The following ARMCX4 variants were observed in gnomAD, a reference collection of about 807,000 sequenced individuals.
ARMCX4 encodes the protein armadillo repeat containing X-linked 4, also known as armadillo repeat-containing X-linked protein 4.
Under a neutral mutation model 34.7 loss-of-function variants are expected in ARMCX4, and 3 were observed. That is an observed-to-expected ratio of 0.09 (90% CI 0.04 to 0.22). The LOEUF is 0.22. Ranked by LOEUF, ARMCX4 falls within the 10% of genes least tolerant of loss-of-function variation. The pLI, the probability that ARMCX4 is intolerant of heterozygous loss-of-function variation, is 1.00. For missense variants in ARMCX4, 1,448 were observed against 1,720.8 expected, an observed-to-expected ratio of 0.84 and a Z score of 2.81; for synonymous variants, 513 against 632.8, an observed-to-expected ratio of 0.81 and a Z score of 2.84.
intron 11 of ARMCX4, among the ~76,000 whole-genome samples, chrX:101,530,002 A>T (rs1935086663): frequency 8.9e-6 from 1 of 112,234 alleles, no homozygotes; most frequent in Non-Finnish European, 1.9e-5. Flanking sequence ...CAAAAGGATT[A>T]TAAATCATGC....
intron 11 of ARMCX4, chrX:101,516,880 T>G (rs1198299892): frequency 9.0e-6 from 1 of 111,396 alleles, no homozygotes; most frequent in Non-Finnish European, 1.9e-5. Flanking sequence ...GCTCCTCTCT[T>G]CCTGATTTGC....
chrX:101,500,132 A>G (rs1412397102), downstream of ARMCX4, among the ~76,000 whole-genome samples: 1 of 111,548 alleles, frequency 9.0e-6, no homozygotes, highest in Non-Finnish European at 1.9e-5. Context: ...CCAGAGACCT[A>G]AAGTGTCTTA....
At chrX:101,450,668 A>G (rs1305122260), downstream of ARMCX4, among the ~76,000 whole-genome samples, 1 of 111,895 alleles carries the variant, frequency 8.9e-6, no homozygotes, top group Non-Finnish European at 1.9e-5. Context: ...AGAGTTGGCA[A>G]TGTGCTGGGT....
intron 4 of ARMCX4, among the ~76,000 whole-genome samples, chrX:101,465,195 A>G (rs1556001780): frequency 1.8e-5 from 2 of 111,805 alleles, no homozygotes; most frequent in Non-Finnish European, 1.9e-5. Flanking sequence ...CAAATATACC[A>G]TCTATATAAT....
intron 8 of ARMCX4, among the ~76,000 whole-genome samples, chrX:101,507,922 A>G: frequency 8.9e-6 from 1 of 112,599 alleles, no homozygotes; most frequent in South Asian, 3.6e-4. Context: ...GATTATAATG[A>G]AGCTGAAAAA....
At chrX:101,439,360 C>T (rs1773109955) in intron 2 of ARMCX4, among the ~76,000 whole-genome samples, 1 of 111,754 alleles carries the variant, frequency 8.9e-6, no homozygotes, top group South Asian at 3.7e-4. Context: ...TGATGGGCTT[C>T]CCTTTGTGGG....
chrX:101,514,515 T>C lies in ARMCX4; in HGVS notation c.*1780+3460T>C, dbSNP rs1259233346. ...TTTAATACCAGTAATTCCATGACCA[T>C]GCACCTATTGTTGCACTTCACTTGC... is the stretch of plus-strand genomic sequence containing the variant. On this transcript the variant is annotated intron_variant and NMD_transcript_variant, in intron 11 of 12. Transcript: ENST00000354842. Among the ~76,000 whole-genome samples, 9 of 112,179 alleles carry C rather than the reference T, an allele frequency of 8.0e-5. No individual in the cohort carries two copies. In the Admixed American group the frequency reaches 8.5e-4, roughly 11 times the overall value.
At chrX:101,502,032 A>G (rs1189294272) in intron 7 of ARMCX4, among the ~76,000 whole-genome samples, 1 of 112,390 alleles carries the variant, frequency 8.9e-6, no homozygotes, top group East Asian at 2.8e-4. Context: ...CAACTTAGCT[A>G]GGGTTGTGGA....
intron 2 of ARMCX4, among the ~76,000 whole-genome samples, chrX:101,440,668 C>T (rs1931221528): frequency 9.0e-6 from 1 of 111,638 alleles, no homozygotes; most frequent in South Asian, 3.8e-4. Context: ...CAAGCCTCAG[C>T]AATGGCAGGC....
At chrX:101,509,274 C>A (rs962768022) in intron 8 of ARMCX4, 7 of 111,525 alleles carry the variant, frequency 6.3e-5, no homozygotes, top group African/African-American at 2.0e-4. Flanking sequence ...ATCTTGGTGA[C>A]TTTCCTTGCT....
chrX:101,425,957 A>T (rs1462888460), intron 2 of ARMCX4, among the ~76,000 whole-genome samples: 1 of 110,233 alleles, frequency 9.1e-6, no homozygotes, highest in African/African-American at 3.3e-5. Flanking sequence ...AGTAGCTGGG[A>T]TTAGAGGTGC....
downstream of ARMCX4, chrX:101,498,195 A>G (rs968177842): frequency 1.8e-5 from 6 of 328,239 alleles, no homozygotes; most frequent in Admixed American, 9.4e-5. Context: ...GCTGAACTCT[A>G]TCTCTGGGCC....
At chrX:101,518,672 A>T (rs1251359427) in intron 11 of ARMCX4, among the ~76,000 whole-genome samples, 1 of 111,505 alleles carries the variant, frequency 9.0e-6, no homozygotes, top group Non-Finnish European at 1.9e-5. Flanking sequence ...CAACAATATA[A>T]TCTTTTCAAG....
At position 101,471,627 on chromosome X, in the gene ARMCX4, C is replaced by T. The variant is rs142030704; in HGVS notation, c.-472-14396C>T. On this transcript the variant is annotated intron_variant and NMD_transcript_variant, in intron 4 of 15. Coordinates refer to the ARMCX4 transcript ENST00000433011. ...GGAGATTTGAGAACGGGCAGACTGC[C>T]TCTTCAAGTGGGTCCCTGACCCCTG... 4.6e-3 allele frequency among the ~76,000 whole-genome samples: 519 copies of T among 111,885 alleles called. 2 individuals are homozygous for T. The highest frequency in any genetic ancestry group is 0.016 in the African/African-American group (485 of 30,786).
At chrX:101,451,414 T>A (rs782697932), downstream of ARMCX4, among the ~76,000 whole-genome samples, 1 of 111,898 alleles carries the variant, frequency 8.9e-6, no homozygotes, top group Admixed American at 9.5e-5. Flanking sequence ...ATGAATTTTT[T>A]CTCCATGTCA....
At position 101,493,257 on chromosome X, in the gene ARMCX4, A is replaced by G; in HGVS notation, c.4668A>G (p.Gly1556=). The G allele has an allele frequency of 8.7e-7, 1 of 1,155,147 alleles. No homozygotes were observed. Among genetic ancestry groups the G allele is most frequent in the Non-Finnish European group, 1.1e-6 (1 of 872,698 alleles). Reference sequence around the variant, plus strand: ...ATAGCCCTGGGAGTCAGGTCAGTGGAAGCTGCTGGACTGGGGCTGGGGCTG... The same window carrying G: ...ATAGCCCTGGGAGTCAGGTCAGTGGGAGCTGCTGGACTGGGGCTGGGGCTG... ...SWDSPGSQVS[G]SCWTGAGAVD... Residue 1556 remains glycine, a synonymous_variant, in exon 6 of 6, where the codon GGA becomes GGG. Coordinates refer to ENST00000423738, the MANE Select transcript of ARMCX4 (RefSeq NM_001256155.3).
At chrX:101,440,198 C>A (rs1383948634) in intron 2 of ARMCX4, among the ~76,000 whole-genome samples, 38 of 112,003 alleles carry the variant, frequency 3.4e-4, no homozygotes, top group African/African-American at 1.2e-3. Flanking sequence ...TTCTAACAGA[C>A]AGGACCCTCA....
chrX:101,434,525 C>T lies in ARMCX4; in HGVS notation n.165-9527C>T, dbSNP rs189301791. Among the ~76,000 whole-genome samples, 1,060 of 111,306 alleles carry T rather than the reference C, an allele frequency of 9.5e-3. 7 individuals carry two copies. Among genetic ancestry groups the T allele is most frequent in the African/African-American group, 0.032 (981 of 30,696 alleles). On this transcript the variant is annotated intron_variant and non_coding_transcript_variant, in intron 2 of 3. Transcript: ENST00000430461. ...CCTCCCAAAGTGCTAGAATTATAGG[C>T]GTGAGCCACTGCGCCCGGCCATGGT...
chrX:101,534,568 A>G (rs1556023031), downstream of ARMCX4, among the ~76,000 whole-genome samples: 1 of 111,175 alleles, frequency 9.0e-6, no homozygotes, highest in Non-Finnish European at 1.9e-5. Flanking sequence ...AAAGAAATAG[A>G]TACAAACATA....
Sources: gnomAD v4.1 joint callset for allele counts (sites outside exome capture counted in the v4.1 genomes callset) on GRCh38, gnomAD v4.1.1 for gene constraint, MANE v1.5 for transcripts, NCBI Gene and HGNC (gene_info 2026-07-23, HGNC 2026-07-21) for gene names.